Variants in ZNF644 observed in about 807,000 individuals in gnomAD.
ZNF644 encodes zinc finger protein 644.
ZNF644 carries 20 observed loss-of-function variants against 108.0 expected under a neutral mutation model. The ratio of observed to expected loss-of-function variants is 0.19; its 90% CI spans 0.13 to 0.27. ZNF644 has a LOEUF of 0.27. ZNF644 is among the 10% of genes least tolerant of loss of function. ZNF644 has a pLI of 1.00. For synonymous variants in ZNF644, 542 were observed against 539.1 expected, an observed-to-expected ratio of 1.01 and a Z score of -0.08; for missense variants, 1,338 against 1,548.9, an observed-to-expected ratio of 0.86 and a Z score of 2.29.
rs1648836788 is a variant in ZNF644 at position 90,917,003 on chromosome 1, A to C, written c.3792-13T>G. 3.7e-6 allele frequency: 6 copies of C among 1,613,950 alleles called. No homozygotes were observed. The East Asian group carries it at 1.1e-4, about 30-fold the overall frequency. ...TAGGCCACAAAACCTACAGAAAGAT[A>C]ACAATTCTCTTAACATGACCAATTC... is the stretch of plus-strand genomic sequence containing the variant. On this transcript the variant is annotated splice_polypyrimidine_tract_variant and intron_variant, in intron 5 of 5. Coordinates refer to ENST00000337393, the MANE Select transcript of ZNF644 (RefSeq NM_201269.3).
chr1:90,998,545 T>G (rs950008876), intron 1 of ZNF644, among the ~76,000 whole-genome samples: 12 of 152,188 alleles, frequency 7.9e-5, no homozygotes, highest in African/African-American at 2.9e-4. Context: ...ACCCCATCTC[T>G]ACGTCATCTA....
chr1:90,967,675 T>A (rs755503918), intron 2 of ZNF644, among the ~76,000 whole-genome samples: 2 of 152,148 alleles, frequency 1.3e-5, no homozygotes, highest in African/African-American at 2.4e-5. Context: ...TTTCCTTTTA[T>A]TAACTTCAAC....
chr1:90,950,423 T>C (rs1050377588), intron 2 of ZNF644, among the ~76,000 whole-genome samples: 1 of 151,698 alleles, frequency 6.6e-6, no homozygotes, highest in African/African-American at 2.4e-5. Flanking sequence ...AAGTGTTTTG[T>C]CAGCCTCCTC....
chr1:90,962,366 CTTTA>C (rs1313512905), intron 2 of ZNF644, among the ~76,000 whole-genome samples: 1 of 151,884 alleles, frequency 6.6e-6, no homozygotes, highest in African/African-American at 2.4e-5. Flanking sequence ...TATATGGTCA[CTTTA>C]TTTATGCCAA....
intron 1 of ZNF644, among the ~76,000 whole-genome samples, chr1:90,983,794 G>A (rs957252550): frequency 2.0e-5 from 3 of 152,156 alleles, no homozygotes; most frequent in East Asian, 1.9e-4. Flanking sequence ...GGGCGTGGTG[G>A]CACGCGCCCG....
chr1:91,012,031 A>G (rs1006647015), intron 1 of ZNF644, among the ~76,000 whole-genome samples: 17 of 152,186 alleles, frequency 1.1e-4, no homozygotes, highest in South Asian at 6.2e-4. Flanking sequence ...TCTAAACAAA[A>G]TATCAAGTCA....
intron 2 of ZNF644, among the ~76,000 whole-genome samples, chr1:90,972,015 G>A (rs1240744526): frequency 6.6e-6 from 1 of 152,130 alleles, no homozygotes; most frequent in Non-Finnish European, 1.5e-5. Flanking sequence ...AGCTACTCAG[G>A]AGGCTGAGGC....
In ZNF644 at chr1:90,937,688, C is replaced by G; in HGVS notation, c.3485G>C (p.Ser1162Thr). ...EYDETKPELP[S>T]GKKNQSLTLI... ...TGTAAGAGACTGATTCTTTTTCCCA[C>G]TGGGCAGTTCTGGTTTTGTTTCATC... The change falls in exon 4 of 6, where the codon AGT becomes ACT. Residue 1162 changes from serine (S) to threonine (T), a missense_variant. By Grantham distance (58) the Ser-to-Thr change is moderately conservative. Around this residue, in one of 6 missense-constraint regions of ZNF644, gnomAD observed 287 missense variants for 310.9 expected, o/e 0.92. Transcript: ENST00000337393. 6.2e-7 allele frequency: 1 copy of G among 1,613,804 alleles called. No individual in the cohort carries two copies. Among genetic ancestry groups the G allele is most frequent in the East Asian group, 2.2e-5 (1 of 44,876 alleles).
chr1:90,984,347 T>G (rs1190986960), intron 1 of ZNF644, among the ~76,000 whole-genome samples: 1 of 152,014 alleles, frequency 6.6e-6, no homozygotes, highest in Non-Finnish European at 1.5e-5. Flanking sequence ...GTGGCTTACA[T>G]AACAGAAATT....
In ZNF644 at chr1:90,940,762, C is replaced by T. The variant is rs149157109; in HGVS notation, c.592G>A (p.Ala198Thr). ...THSNKKLPTS[A>T]SVGCDIQNSV... is the part of the protein sequence containing the mutation. ...TTCTGAATGTCACAACCAACTGAAG[C>T]AGAGGTAGGTAGTTTTTTATTGGAA... The change falls in exon 3 of 6, where the codon GCT becomes ACT. Residue 198 changes from alanine to threonine, a missense_variant. Physicochemically the swap from Ala to Thr is moderately conservative, Grantham distance 58. Around this residue, in one of 6 missense-constraint regions of ZNF644, gnomAD observed 464 missense variants for 457.9 expected, o/e 1.01. Transcript: ENST00000337393. 1.1e-5 allele frequency: 18 copies of T among 1,613,882 alleles called. No individual in the cohort carries two copies. Among genetic ancestry groups the T allele is most frequent in the Non-Finnish European group, 1.4e-5 (17 of 1,179,994 alleles).
At chr1:90,998,058 C>T (rs1658347307) in intron 1 of ZNF644, among the ~76,000 whole-genome samples, 1 of 152,222 alleles carries the variant, frequency 6.6e-6, no homozygotes, top group Non-Finnish European at 1.5e-5. Flanking sequence ...GAAGCTCGAA[C>T]TGGGGGGAGC....
At chr1:90,971,911 A>G (rs1180591820) in intron 2 of ZNF644, among the ~76,000 whole-genome samples, 2 of 152,046 alleles carry the variant, frequency 1.3e-5, no homozygotes, top group African/African-American at 4.8e-5. Flanking sequence ...ACTTCTCATT[A>G]TTCTTATATT....
rs561828693 is a variant in ZNF644, at chr1:91,014,713, T to C, written c.-18+7277A>G. ...AAGAGCCTTTATATGGTGGTATGAATAGACAATGAGAGCAATACGACACCA... is the reference window on the plus strand; with the variant it reads ...AAGAGCCTTTATATGGTGGTATGAACAGACAATGAGAGCAATACGACACCA... On this transcript the variant is annotated intron_variant, in intron 1 of 5. Transcript: ENST00000337393. 4.1e-4 allele frequency among the ~76,000 whole-genome samples: 62 copies of C among 152,106 alleles called. 2 individuals carry two copies. The South Asian group carries it at 0.012, about 31-fold the overall frequency.
intron 2 of ZNF644, among the ~76,000 whole-genome samples, chr1:90,957,025 G>C (rs1653818969): frequency 6.6e-6 from 1 of 151,962 alleles, no homozygotes; most frequent in Admixed American, 6.6e-5. Flanking sequence ...ATGAATAACT[G>C]GATGCCAAAA....
At chr1:90,976,284 T>A (rs1347248098) in intron 2 of ZNF644, among the ~76,000 whole-genome samples, 2 of 152,196 alleles carry the variant, frequency 1.3e-5, no homozygotes, top group Admixed American at 1.3e-4. Flanking sequence ...ACTACTACAC[T>A]ATACTACTCA....
intron 4 of ZNF644, among the ~76,000 whole-genome samples, chr1:90,928,319 A>ATTT (rs58051560): frequency 1.1e-3 from 107 of 95,842 alleles, no homozygotes; most frequent in African/African-American, 4.0e-3. Flanking sequence ...CACTGGGCTG[A>ATTT]TTTTTTTTTT....
At chr1:90,969,676 C>T (rs573458679) in intron 2 of ZNF644, among the ~76,000 whole-genome samples, 1 of 152,186 alleles carries the variant, frequency 6.6e-6, no homozygotes, top group African/African-American at 2.4e-5. Context: ...GTCTAGGTAT[C>T]GTAGTGCTTG....
intron 4 of ZNF644, among the ~76,000 whole-genome samples, chr1:90,924,927 T>A (rs1485671442): frequency 6.6e-6 from 1 of 152,222 alleles, no homozygotes; most frequent in East Asian, 1.9e-4. Flanking sequence ...GCCATCCTTT[T>A]GCCCTAACCT....
chr1:91,010,210 G>A (rs546188931), intron 1 of ZNF644, among the ~76,000 whole-genome samples: 25 of 148,574 alleles, frequency 1.7e-4, no homozygotes, highest in African/African-American at 5.9e-4. Flanking sequence ...GAAAACGCTT[G>A]CATTCCACAA....
Sources: allele counts gnomAD v4.1 joint callset (sites outside exome capture counted in the v4.1 genomes callset), GRCh38; gene constraint gnomAD v4.1.1; regional missense constraint gnomAD v4.1.1; transcripts MANE v1.5; gene names NCBI Gene and HGNC (gene_info 2026-07-23, HGNC 2026-07-21).